The following LRRK1 variants were observed in gnomAD, a reference collection of about 807,000 sequenced individuals.
LRRK1 encodes leucine rich repeat kinase 1.
Under a neutral mutation model 209.1 loss-of-function variants are expected in LRRK1, and 113 were observed. The ratio of observed to expected loss-of-function variants is 0.54; its 90% CI spans 0.46 to 0.63. The LOEUF is 0.63. Ranked by LOEUF, LRRK1 falls within the 30% of genes least tolerant of loss-of-function variation. The probability of loss-of-function intolerance (pLI) is 0.00; values close to 1 mark genes in which losing one functional copy is unlikely to be tolerated. For missense variants in LRRK1, 2,284 were observed against 2,632.2 expected (o/e 0.87, Z 2.89); for synonymous variants, 1,144 against 1,099.7 (o/e 1.04, Z -0.80).
intron 2 of LRRK1, among the ~76,000 whole-genome samples, chr15:100,945,058 A>G (rs1469495954): frequency 1.3e-5 from 2 of 152,184 alleles, no homozygotes; most frequent in African/African-American, 2.4e-5. Flanking sequence ...CATGGATGCA[A>G]CTCAGTTATA....
intron 20 of LRRK1, among the ~76,000 whole-genome samples, chr15:101,033,781 C>T (rs1274983669): frequency 1.3e-5 from 2 of 152,158 alleles, no homozygotes; most frequent in Admixed American, 6.5e-5. Context: ...TATAAATACC[C>T]ACTAGTGGGA....
At chr15:101,021,221 G>A in intron 13 of LRRK1, 39 bp downstream of exon 13, 1 of 1,609,772 alleles carries the variant, frequency 6.2e-7, no homozygotes, top group Non-Finnish European at 8.5e-7. Context: ...GGCTCTGCTG[G>A]CCCAGAGAGG....
chr15:100,961,320 G>T (rs2029925320), intron 2 of LRRK1, among the ~76,000 whole-genome samples: 1 of 152,176 alleles, frequency 6.6e-6, no homozygotes, highest in Non-Finnish European at 1.5e-5. Context: ...TTACAATGGG[G>T]ATTAAGTTTC....
chr15:100,974,057 C>G (rs1596222836), intron 3 of LRRK1, 90 bp downstream of exon 3: 6 of 1,080,026 alleles, frequency 5.6e-6, no homozygotes, highest in Non-Finnish European at 7.1e-6. Flanking sequence ...ATTGTCATAA[C>G]GGTAATGGGC....
intron 6 of LRRK1, among the ~76,000 whole-genome samples, chr15:101,005,173 G>C (rs2032884052): frequency 6.6e-6 from 1 of 152,202 alleles, no homozygotes; most frequent in Non-Finnish European, 1.5e-5. Flanking sequence ...TGTGAATCCA[G>C]GAAGGAGAGG....
chr15:100,952,871 C>CT (rs34830391), intron 2 of LRRK1, among the ~76,000 whole-genome samples: 133,637 of 152,190 alleles, frequency 0.88, 58,869 homozygotes, highest in East Asian at 0.98. Context: ...ATTCCTTATG[C>CT]TTTAAGCAAG....
Position 101,029,245 on chromosome 15 carries a change from C to A in LRRK1, c.2963+13C>A. ...TCGCCAATGACAGGTGAGGACACAACTTAACACGCCAGGCTGTGCAGGTTG... is the reference window on the plus strand; with the variant it reads ...TCGCCAATGACAGGTGAGGACACAAATTAACACGCCAGGCTGTGCAGGTTG... On this transcript the variant is annotated intron_variant, in intron 20 of 33. Coordinates refer to ENST00000388948, the MANE Select transcript of LRRK1 (RefSeq NM_024652.6). The A allele has an allele frequency of 6.2e-7, 1 of 1,600,558 alleles. No homozygotes were observed. The highest frequency in any genetic ancestry group is 8.5e-7 in the Non-Finnish European group (1 of 1,171,120).
chr15:101,068,445 G>T (rs895261161), intron 33 of LRRK1, among the ~76,000 whole-genome samples: 1 of 152,146 alleles, frequency 6.6e-6, no homozygotes, highest in Non-Finnish European at 1.5e-5. Flanking sequence ...CCATGGACGC[G>T]AACTCATGCC....
Position 101,075,160 on chromosome 15 carries a change from T to TCC in LRRK1, c.*6314_*6315dup, listed in dbSNP as rs2036938777. On this transcript the variant is annotated 3_prime_UTR_variant, in exon 34 of 34. Coordinates refer to ENST00000388948, the MANE Select transcript of LRRK1 (RefSeq NM_024652.6). ...ATTACCTTCTTTTCAAGGGCCTGTT[T>TCC]CCCTTACCTCCATAACTGTTGTGCG... The TCC allele has an allele frequency of 3.6e-5, 2 of 55,196 alleles. 1 individual carries two copies. Among genetic ancestry groups the TCC allele is most frequent in the South Asian group, 1.1e-3 (2 of 1,776 alleles). The allele number at this position is 55,196 out of a possible 1,614,324, so 3.4% of individuals were successfully genotyped here.
chr15:101,055,317 C>A, intron 27 of LRRK1, 94 bp downstream of exon 27: 1 of 1,220,846 alleles, frequency 8.2e-7, no homozygotes, highest in Non-Finnish European at 1.1e-6. Flanking sequence ...AGCTTCGGGG[C>A]TCAGCATCCC....
intron 6 of LRRK1, among the ~76,000 whole-genome samples, chr15:101,003,921 C>T (rs939448704): frequency 1.3e-5 from 2 of 152,148 alleles, no homozygotes; most frequent in Non-Finnish European, 1.5e-5. Flanking sequence ...AGCCCCAGAG[C>T]ACCCCAGCAG....
chr15:100,949,979 C>T (rs2042613915), intron 2 of LRRK1, among the ~76,000 whole-genome samples: 5 of 152,136 alleles, frequency 3.3e-5, no homozygotes, highest in Admixed American at 2.6e-4. Context: ...TGTCCACTCT[C>T]ACTACTTCTA....
chr15:100,936,754 T>G (rs62019451), intron 2 of LRRK1, among the ~76,000 whole-genome samples: 1 of 152,170 alleles, frequency 6.6e-6, no homozygotes. Flanking sequence ...AAACTGAGCT[T>G]GGGTGCTATC....
intron 2 of LRRK1, among the ~76,000 whole-genome samples, chr15:100,935,100 G>A (rs559905340): frequency 6.6e-6 from 1 of 152,286 alleles, no homozygotes; most frequent in African/African-American, 2.4e-5. Context: ...AGCCTGCTAT[G>A]GTCAGGGCTC....
At chr15:100,958,958 A>T (rs1211121813) in intron 2 of LRRK1, among the ~76,000 whole-genome samples, 1 of 152,192 alleles carries the variant, frequency 6.6e-6, no homozygotes, top group Non-Finnish European at 1.5e-5. Flanking sequence ...AGATACTTTT[A>T]TGACTTGGAA....
Position 100,973,922 on chromosome 15 carries a change from C to T in LRRK1, c.216C>T (p.Asp72=), listed in dbSNP as rs1443319958. ...YRRGDRGGAR[D]LLEEACDQCA... is the part of the protein sequence containing the mutation. ...GGGGAGACCGCGGCGGCGCCCGGGACCTGCTGGAGGAGGCCTGCGACCAGT... is the reference window on the plus strand; with the variant it reads ...GGGGAGACCGCGGCGGCGCCCGGGATCTGCTGGAGGAGGCCTGCGACCAGT... The change falls in exon 3 of 34, where the codon GAC becomes GAT. Residue 72 remains aspartate (D), a synonymous_variant. Coordinates refer to ENST00000388948, the MANE Select transcript of LRRK1 (RefSeq NM_024652.6). The T allele has an allele frequency of 7.9e-7, 1 of 1,265,108 alleles. No homozygotes were observed. The highest frequency in any genetic ancestry group is 1.0e-6 in the Non-Finnish European group (1 of 999,630). The allele number at this position is 1,265,108 out of a possible 1,614,324, so 78.4% of individuals were successfully genotyped here.
At chr15:101,060,857 G>T (rs905604167) in intron 29 of LRRK1, among the ~76,000 whole-genome samples, 19 of 152,280 alleles carry the variant, frequency 1.2e-4, no homozygotes, top group South Asian at 4.1e-4. Flanking sequence ...ACAGTGAGGA[G>T]CTCCCCGCAT....
intron 6 of LRRK1, among the ~76,000 whole-genome samples, chr15:101,006,801 G>T (rs1302928410): frequency 6.6e-6 from 1 of 152,204 alleles, no homozygotes; most frequent in Non-Finnish European, 1.5e-5. Flanking sequence ...AGTGAGTCGA[G>T]GTGGAGAGTG....
At chr15:101,015,265 A>T (rs1310015923) in intron 11 of LRRK1, 61 bp from the exon 12 acceptor site, 1 of 1,342,532 alleles carries the variant, frequency 7.4e-7, no homozygotes, top group Non-Finnish European at 1.1e-6. Context: ...ATAACATCAC[A>T]GCCAAAAGTA....
Sources: gnomAD v4.1 joint callset for allele counts (sites outside exome capture counted in the v4.1 genomes callset) on GRCh38, gnomAD v4.1.1 for gene constraint, MANE v1.5 for transcripts, NCBI Gene and HGNC (gene_info 2026-07-23, HGNC 2026-07-21) for gene names.